Variants in SHISA9 observed in about 807,000 individuals in gnomAD.
SHISA9 encodes protein shisa-9.
Under a neutral mutation model 38.0 loss-of-function variants are expected in SHISA9, and 13 were observed. The observed-to-expected ratio is 0.34, with a 90% CI of 0.22 to 0.54. SHISA9 has a LOEUF of 0.54. Ranked by LOEUF, SHISA9 falls within the 20% of genes least tolerant of loss-of-function variation. The probability of loss-of-function intolerance (pLI) is 0.91; values close to 1 mark genes in which losing one functional copy is unlikely to be tolerated. For missense variants in SHISA9, 538 were observed against 575.8 expected (o/e 0.93, Z 0.67); for synonymous variants, 275 against 242.0 (o/e 1.14, Z -1.27).
chr16:13,522,255 AAAG>A, the SHISA9 span, among the ~76,000 whole-genome samples: 1 of 152,234 alleles, frequency 6.6e-6, no homozygotes, highest in Admixed American at 6.5e-5. Context: ...GCAAAGGCAG[AAAG>A]AAGGTTTTAC....
At chr16:12,904,689 G>T (rs535879323) in intron 1 of SHISA9, among the ~76,000 whole-genome samples, 1 of 152,170 alleles carries the variant, frequency 6.6e-6, no homozygotes, top group Non-Finnish European at 1.5e-5. Flanking sequence ...GAATGGAGTG[G>T]AAGTGCATAC....
the SHISA9 span, among the ~76,000 whole-genome samples, chr16:13,388,965 A>G: frequency 2.0e-5 from 3 of 152,184 alleles, no homozygotes; most frequent in Admixed American, 1.3e-4. Flanking sequence ...AAAACTGAGT[A>G]GAAGGTATAG....
the SHISA9 span, among the ~76,000 whole-genome samples, chr16:13,358,924 A>G: frequency 9.2e-5 from 14 of 152,342 alleles, no homozygotes; most frequent in African/African-American, 3.4e-4. Flanking sequence ...AAAGACCTCA[A>G]TACACTGTGT....
the SHISA9 span, among the ~76,000 whole-genome samples, chr16:13,557,479 C>T: frequency 1.3e-5 from 2 of 152,104 alleles, no homozygotes; most frequent in African/African-American, 4.8e-5. Context: ...AGAAGACACC[C>T]GTGGCAAAGC....
chr16:13,373,161 C>T, the SHISA9 span, among the ~76,000 whole-genome samples: 2 of 152,068 alleles, frequency 1.3e-5, no homozygotes, highest in Non-Finnish European at 2.9e-5. Flanking sequence ...TCCCCTGACT[C>T]CAAGCAAAAT....
chr16:13,254,236 A>G, the SHISA9 span, among the ~76,000 whole-genome samples: 3 of 152,208 alleles, frequency 2.0e-5, no homozygotes, highest in Admixed American at 6.5e-5. Context: ...CTAATTTTAG[A>G]TGAAGTGATT....
At chr16:13,079,607 C>T (rs900644607) in intron 2 of SHISA9, among the ~76,000 whole-genome samples, 21 of 152,178 alleles carry the variant, frequency 1.4e-4, no homozygotes, top group Non-Finnish European at 2.1e-4. Context: ...CTATAAACAA[C>T]GCATTTCTCC....
the SHISA9 span, among the ~76,000 whole-genome samples, chr16:13,476,746 T>TG: frequency 9.0e-6 from 1 of 111,062 alleles, no homozygotes; most frequent in Admixed American, 8.5e-5. Context: ...GTGTTTTTTT[T>TG]TTTTTTTTTT....
At chr16:13,346,206 C>T in the SHISA9 span, among the ~76,000 whole-genome samples, 1 of 152,160 alleles carries the variant, frequency 6.6e-6, no homozygotes, top group East Asian at 1.9e-4. Flanking sequence ...TAAGTGAGAA[C>T]ATATGGTATT....
chr16:12,963,764 C>T (rs572479373), intron 2 of SHISA9, among the ~76,000 whole-genome samples: 6 of 152,100 alleles, frequency 3.9e-5, no homozygotes, highest in Non-Finnish European at 7.3e-5. Flanking sequence ...CTAGGTTTCA[C>T]AAAGTATCAT....
chr16:12,915,752 C>T (rs1033459937), intron 1 of SHISA9, among the ~76,000 whole-genome samples: 4 of 152,218 alleles, frequency 2.6e-5, no homozygotes, highest in Admixed American at 1.3e-4. Context: ...ATGGCTAACA[C>T]TCACGTGTGA....
the SHISA9 span, among the ~76,000 whole-genome samples, chr16:13,540,991 G>A: frequency 3.0e-3 from 462 of 152,236 alleles, 3 homozygotes; most frequent in African/African-American, 0.01. Context: ...AGTCACTTGT[G>A]GCTTCTAAAC....
chr16:13,549,371 T>C, the SHISA9 span, among the ~76,000 whole-genome samples: 1 of 152,168 alleles, frequency 6.6e-6, no homozygotes, highest in South Asian at 2.1e-4. Context: ...ATGGTAAATA[T>C]GATTTATTCA....
At chr16:13,144,484 C>G (rs937641783) in intron 2 of SHISA9, among the ~76,000 whole-genome samples, 1 of 152,036 alleles carries the variant, frequency 6.6e-6, no homozygotes, top group African/African-American at 2.4e-5. Context: ...TATCTCTGCT[C>G]TGGTGTGCAT....
chr16:13,067,255 T>C (rs1251266613), intron 2 of SHISA9, among the ~76,000 whole-genome samples: 1 of 152,198 alleles, frequency 6.6e-6, no homozygotes, highest in Non-Finnish European at 1.5e-5. Flanking sequence ...CTCTTACAGA[T>C]CCTTGTTGGC....
At chr16:13,260,007 C>CCTTTTTT in the SHISA9 span, among the ~76,000 whole-genome samples, 1 of 60,416 alleles carries the variant, frequency 1.7e-5, no homozygotes, top group African/African-American at 6.6e-5. Context: ...TTCTTTCTTT[C>CCTTTTTT]TTTTTTTTTT....
intron 2 of SHISA9, among the ~76,000 whole-genome samples, chr16:13,098,594 G>A (rs1358697686): frequency 6.6e-6 from 1 of 152,194 alleles, no homozygotes; most frequent in Non-Finnish European, 1.5e-5. Context: ...ACAGGAAGGA[G>A]GCCTGGAGAA....
At chr16:13,491,818 C>CCTTTT in the SHISA9 span, among the ~76,000 whole-genome samples, 1 of 44,506 alleles carries the variant, frequency 2.2e-5, no homozygotes, top group Admixed American at 2.9e-4. Flanking sequence ...ATTTATTGAC[C>CCTTTT]TTTTTTTTTT....
intron 2 of SHISA9, among the ~76,000 whole-genome samples, chr16:13,199,010 T>C (rs970487483): frequency 7.2e-5 from 11 of 152,216 alleles, no homozygotes; most frequent in Admixed American, 2.6e-4. Flanking sequence ...TGGAATATCA[T>C]GTATTCTGTT....
Sources: allele counts gnomAD v4.1 joint callset (sites outside exome capture counted in the v4.1 genomes callset), GRCh38; gene constraint gnomAD v4.1.1; transcripts MANE v1.5; gene names NCBI Gene and HGNC (gene_info 2026-07-23, HGNC 2026-07-21).